P2RX6: variants seen among roughly 807,000 people sequenced by gnomAD.
P2RX6 encodes the protein purinergic receptor P2X 6, also known as P2X purinoceptor 6.
P2RX6 carries 62 observed loss-of-function variants against 54.2 expected under a neutral mutation model. The ratio of observed to expected loss-of-function variants is 1.14; its 90% CI spans 0.93 to 1.41. The LOEUF is 1.41. Among genes scored for constraint, P2RX6 ranks in the 40% most tolerant of loss-of-function variants. The pLI is 0.00. For synonymous variants in P2RX6, 211 were observed against 231.9 expected (o/e 0.91, Z 0.82); for missense variants, 541 against 566.3 (o/e 0.96, Z 0.45).
Position 21,015,976 on chromosome 22 carries a change from C to T in P2RX6, c.199C>T (p.Arg67Trp), listed in dbSNP as rs757697812. Residue 67 changes from arginine to tryptophan, a missense_variant, in exon 2 of 12, where the codon CGG becomes TGG. Physicochemically the swap from Arg to Trp is moderately radical, Grantham distance 101. Transcript: ENST00000413302. Reference protein sequence around the residue: ...ALLAKKGYQERDLEPQFSIIT... With the variant: ...ALLAKKGYQEWDLEPQFSIIT... ...CCTCGCCAAAAAAGGCTACCAGGAG[C>T]GGGACCTGGAACCCCAGTTTTCCAT... 1.4e-5 allele frequency: 21 copies of T among 1,549,930 alleles called. No individual in the cohort carries two copies. Among genetic ancestry groups the T allele is most frequent in the Admixed American group, 2.0e-5 (1 of 51,004 alleles).
At chr22:21,016,831 C>G (rs946611503) in intron 2 of P2RX6, among the ~76,000 whole-genome samples, 1 of 152,296 alleles carries the variant, frequency 6.6e-6, no homozygotes, top group East Asian at 1.9e-4. Flanking sequence ...TCAACTGCCA[C>G]TTCTGCTCCT....
chr22:21,015,770 G>A (rs1010468915), intron 1 of P2RX6, among the ~76,000 whole-genome samples, 172 bp from the exon 2 acceptor site: 1 of 152,104 alleles, frequency 6.6e-6, no homozygotes, highest in African/African-American at 2.4e-5. Context: ...TGGAGCTTCT[G>A]TCTCATTCAG....
intron 3 of P2RX6, among the ~76,000 whole-genome samples, chr22:21,020,796 C>T (rs982696085): frequency 9.9e-5 from 15 of 151,716 alleles, no homozygotes; most frequent in African/African-American, 1.7e-4. Context: ...TTTGCTGTGT[C>T]GGCCAGGCTG....
At chr22:21,019,744 T>C (rs1927033163) in intron 3 of P2RX6, among the ~76,000 whole-genome samples, 1 of 152,262 alleles carries the variant, frequency 6.6e-6, no homozygotes, top group South Asian at 2.1e-4. Flanking sequence ...TTTACCCACA[T>C]ATTTATTGAC....
At chr22:21,021,262 C>A (rs1345215639) in intron 3 of P2RX6, among the ~76,000 whole-genome samples, 1 of 152,158 alleles carries the variant, frequency 6.6e-6, no homozygotes, top group Non-Finnish European at 1.5e-5. Context: ...CAGGCGTGAG[C>A]CACTGTGCCT....
rs1548411 is a variant in P2RX6 at position 21,023,012 on chromosome 22, C to A, written c.534C>A (p.Pro178=). Residue 178 remains proline, a synonymous_variant, in exon 5 of 12, where the codon CCC becomes CCA. Coordinates refer to ENST00000413302, the MANE Select transcript of P2RX6 (RefSeq NM_005446.5). ...CCTGTGAGATCTGGAGTTGGTGCCC[C>A]GTGGAGAGTGGCGTTGTGCCCTCGT... The part of the protein sequence containing the change: ...HRTCEIWSWC[P]VESGVVPSRP... 869,800 of 1,612,754 alleles carry A rather than the reference C, an allele frequency of 0.54. 237,466 individuals carry two copies. The highest frequency in any genetic ancestry group is 0.74 in the African/African-American group (55,072 of 74,916).
At position 21,026,216 on chromosome 22, in the gene P2RX6, G is replaced by A. The variant is rs368571794; in HGVS notation, c.1051-36G>A. ...GGGGAGGTGGCAGGAGAGCAGGCTC[G>A]GGGGCTGGAACATGGGTTGGCCCTG... On this transcript the variant is annotated intron_variant, in intron 10 of 11. Transcript: ENST00000413302. The surrounding 1 kb of genome is among the most constrained non-coding windows in gnomAD (Gnocchi z 4.0). 2.1e-3 allele frequency: 3,326 copies of A among 1,561,768 alleles called. 3 individuals are homozygous for A. Among genetic ancestry groups the A allele is most frequent in the Non-Finnish European group, 2.5e-3 (2,846 of 1,152,400 alleles).
intron 1 of P2RX6, 130 bp downstream of exon 1, chr22:21,015,468 C>T (rs1317918714): frequency 1.6e-4 from 92 of 591,348 alleles, no homozygotes; most frequent in Non-Finnish European, 2.1e-4. Flanking sequence ...CAGATTGGGA[C>T]GGGGTTGGGG....
chr22:21,011,485 C>G (rs1423128642), upstream of P2RX6: 2 of 711,552 alleles, frequency 2.8e-6, no homozygotes, highest in South Asian at 1.5e-5. Context: ...CTCCTCCAGG[C>G]CATTCCCTGA....
At chr22:21,024,878 G>GGTT (rs1555942104) in intron 8 of P2RX6, among the ~76,000 whole-genome samples, 2 of 110,758 alleles carry the variant, frequency 1.8e-5, no homozygotes, top group African/African-American at 3.5e-5. Context: ...TTTTTTTTGT[G>GGTT]TTTTTTTTTT....
At chr22:21,014,780 A>G (rs1053234248), upstream of P2RX6, among the ~76,000 whole-genome samples, 5 of 152,008 alleles carry the variant, frequency 3.3e-5, no homozygotes, top group African/African-American at 1.2e-4. Flanking sequence ...GAACTTCAGA[A>G]ATCTGCAAGG....
At chr22:21,014,628 A>G (rs1176168410), upstream of P2RX6, among the ~76,000 whole-genome samples, 1 of 152,044 alleles carries the variant, frequency 6.6e-6, no homozygotes, top group Non-Finnish European at 1.5e-5. Flanking sequence ...TGGCGGGGGC[A>G]GCTTTTCAGG....
In P2RX6 at chr22:21,027,967, G is replaced by A. The variant is rs1389640476; in HGVS notation, c.*1350G>A. The A allele has an allele frequency of 6.6e-6, 1 of 152,024 alleles. No homozygotes were observed. Among genetic ancestry groups the A allele is most frequent in the Non-Finnish European group, 1.5e-5 (1 of 67,990 alleles). The allele number at this position is 152,024 out of a possible 1,614,324, so 9.4% of individuals were successfully genotyped here. A position where few individuals can be genotyped will look rare whatever the true frequency, so the allele number is the denominator to read the frequency against. Reference sequence around the variant, plus strand: ...TCCTTGGGGCCCAGAGGAAGCTGATGTCATGGCTGGACAAAGTCACGGAGT... The same window carrying A: ...TCCTTGGGGCCCAGAGGAAGCTGATATCATGGCTGGACAAAGTCACGGAGT... On this transcript the variant is annotated 3_prime_UTR_variant, in exon 12 of 12. Coordinates refer to ENST00000413302, the MANE Select transcript of P2RX6 (RefSeq NM_005446.5).
intron 3 of P2RX6, among the ~76,000 whole-genome samples, chr22:21,021,105 A>G (rs1927316732): frequency 1.3e-5 from 2 of 151,888 alleles, no homozygotes; most frequent in African/African-American, 4.8e-5. Flanking sequence ...CCCACTAAGG[A>G]GCTAAACTGT....
rs750803963 is a variant in P2RX6, at chr22:21,023,322, G to A, written c.686G>A (p.Arg229His). ...TWDPTYFKHC[R>H]YEPQFSPYCP... ...GACCCCACCTATTTTAAGCACTGCCGCTATGAACCACAATTCAGCCCCTAC... is the reference window on the plus strand; with the variant it reads ...GACCCCACCTATTTTAAGCACTGCCACTATGAACCACAATTCAGCCCCTAC... The change falls in exon 7 of 12, where the codon CGC becomes CAC. Residue 229 changes from arginine to histidine, a missense_variant. By Grantham distance (29) the Arg-to-His change is conservative (BLOSUM62 0). Transcript: ENST00000413302. 1.2e-5 allele frequency: 20 copies of A among 1,613,732 alleles called. 1 individual carries two copies. The highest frequency in any genetic ancestry group is 6.7e-5 in the East Asian group (3 of 44,878).
chr22:21,020,706 C>A (rs750653931), intron 3 of P2RX6, among the ~76,000 whole-genome samples: 17 of 151,564 alleles, frequency 1.1e-4, no homozygotes, highest in Non-Finnish European at 2.2e-4. Flanking sequence ...ATTCTCCTGC[C>A]TCAGCCTCCC....
intron 8 of P2RX6, among the ~76,000 whole-genome samples, chr22:21,023,854 G>A (rs1350834054): frequency 2.0e-5 from 3 of 152,040 alleles, no homozygotes; most frequent in Admixed American, 2.0e-4. Context: ...CCCAGCTCAG[G>A]CTCCTCACTG....
chr22:21,026,168 C>T lies in P2RX6; in HGVS notation c.1051-84C>T, dbSNP rs1447325949. 1.3e-6 allele frequency: 2 copies of T among 1,530,488 alleles called. No homozygotes were observed. The highest frequency in any genetic ancestry group is 1.8e-6 in the Non-Finnish European group (2 of 1,125,370). The allele number at this position is 1,530,488 out of a possible 1,614,324, so 94.8% of individuals were successfully genotyped here. On this transcript the variant is annotated intron_variant, in intron 10 of 11. Transcript: ENST00000413302. This position sits in a 1 kb window ranked among gnomAD's most constrained non-coding sequence, Gnocchi z 4.0. ...CATGCTGGAGCCTCCGGTGCCTGCACATTGAGTCTCGGGGTGCAGGCTGGG... is the reference window on the plus strand; with the variant it reads ...CATGCTGGAGCCTCCGGTGCCTGCATATTGAGTCTCGGGGTGCAGGCTGGG...
At position 21,026,092 on chromosome 22, in the gene P2RX6, G is replaced by A. The variant is rs778253777; in HGVS notation, c.1050+16G>A. The stretch of plus-strand genomic sequence containing the variant: ...GCTGGGCGTGGTGAGTGCGAGCACT[G>A]TGGGCACCTGCAGGCTGCAGTGAGT... On this transcript the variant is annotated intron_variant, in intron 10 of 11. Coordinates refer to ENST00000413302, the MANE Select transcript of P2RX6 (RefSeq NM_005446.5). The surrounding 1 kb of genome is among the most constrained non-coding windows in gnomAD (Gnocchi z 4.0). The A allele has an allele frequency of 1.2e-6, 2 of 1,605,148 alleles. No homozygotes were observed. Among genetic ancestry groups the A allele is most frequent in the Admixed American group, 3.4e-5 (2 of 58,852 alleles).
Sources: allele counts gnomAD v4.1 joint callset (sites outside exome capture counted in the v4.1 genomes callset), GRCh38; gene constraint gnomAD v4.1.1; non-coding constraint Gnocchi (gnomAD v3.1); transcripts MANE v1.5; gene names NCBI Gene and HGNC (gene_info 2026-07-23, HGNC 2026-07-21).